Variants in GPR63 observed in about 807,000 individuals in gnomAD.
GPR63 encodes the protein G protein-coupled receptor 63.
Under a neutral mutation model 23.1 loss-of-function variants are expected in GPR63, and 12 were observed. The ratio of observed to expected loss-of-function variants is 0.52; its 90% CI spans 0.33 to 0.84. The LOEUF (loss-of-function observed/expected upper bound fraction) is 0.84. Among genes scored for constraint, GPR63 ranks in the 40% least tolerant of loss-of-function variants. The pLI, the probability that GPR63 is intolerant of heterozygous loss-of-function variation, is 0.02. For synonymous variants in GPR63, 172 were observed against 191.1 expected, an observed-to-expected ratio of 0.90 and a Z score of 0.82; for missense variants, 472 against 515.6, an observed-to-expected ratio of 0.92 and a Z score of 0.82.
At chr6:96,827,355 G>A (rs960232752) in intron 1 of GPR63, among the ~76,000 whole-genome samples, 13 of 151,872 alleles carry the variant, frequency 8.6e-5, no homozygotes, top group East Asian at 5.8e-4. Flanking sequence ...ACAATCAAGC[G>A]AAAACAATGA....
rs776471234 is a variant in GPR63 at position 96,799,518 on chromosome 6, C to G, written c.214G>C (p.Ala72Pro). ...NSTAVPTTPA[A>P]FKSLNLPLQI... is the part of the protein sequence containing the mutation. ...AGAGGCAAGTTTAGGCTCTTAAATG[C>G]TGCTGGTGTTGTGGGCACAGCTGTA... Residue 72 changes from alanine to proline, a missense_variant, in exon 2 of 2, where the codon GCA (alanine) becomes CCA (proline). Coordinates refer to ENST00000229955, the MANE Select transcript of GPR63 (RefSeq NM_030784.4). The G allele has an allele frequency of 4.3e-6, 7 of 1,614,022 alleles. No individual in the cohort carries two copies. Among genetic ancestry groups the G allele is most frequent in the Non-Finnish European group, 5.9e-6 (7 of 1,180,026 alleles).
intron 1 of GPR63, among the ~76,000 whole-genome samples, chr6:96,811,105 C>A (rs1774031161): frequency 6.6e-6 from 1 of 152,176 alleles, no homozygotes; most frequent in East Asian, 1.9e-4. Flanking sequence ...GGGCTCCCAG[C>A]AGAGACATCC....
rs987610453 is a variant in GPR63 at position 96,823,845 on chromosome 6, C to T, written c.-151+13423G>A. ...CTACAATTGCCTACAGTATTCAATACAGTAACATGCTTTACAGGTTTGTAG... is the reference window on the plus strand; with the variant it reads ...CTACAATTGCCTACAGTATTCAATATAGTAACATGCTTTACAGGTTTGTAG... On this transcript the variant is annotated intron_variant, in intron 1 of 1. Transcript: ENST00000229955. Among the ~76,000 whole-genome samples the T allele has an allele frequency of 5.3e-5, 8 of 152,092 alleles. No homozygotes were observed. The East Asian group carries it at 1.2e-3, about 22-fold the overall frequency.
chr6:96,800,730 A>C (rs530583241), intron 1 of GPR63, among the ~76,000 whole-genome samples: 1 of 152,252 alleles, frequency 6.6e-6, no homozygotes, highest in Non-Finnish European at 1.5e-5. Flanking sequence ...ATATGTATAC[A>C]TCTATCTCCT....
intron 1 of GPR63, among the ~76,000 whole-genome samples, chr6:96,816,261 T>C (rs1031310136): frequency 6.6e-6 from 1 of 152,198 alleles, no homozygotes; most frequent in Admixed American, 6.5e-5. Flanking sequence ...GGAATGTTAA[T>C]TTTGTGCCTA....
intron 1 of GPR63, among the ~76,000 whole-genome samples, chr6:96,825,478 C>T (rs1020486439): frequency 6.6e-6 from 1 of 151,948 alleles, no homozygotes; most frequent in Non-Finnish European, 1.5e-5. Flanking sequence ...TATGGAGTGT[C>T]TTCTACCTAC....
rs1773717047 is a variant in GPR63 at position 96,799,854 on chromosome 6, G to A, written c.-123C>T. 1.1e-6 allele frequency: 1 copy of A among 941,936 alleles called. No homozygotes were observed. Among genetic ancestry groups the A allele is most frequent in the Admixed American group, 2.0e-5 (1 of 49,636 alleles). The allele number at this position is 941,936 out of a possible 1,614,324, so 58.3% of individuals were successfully genotyped here. On this transcript the variant is annotated 5_prime_UTR_variant, in exon 2 of 2. Coordinates refer to ENST00000229955, the MANE Select transcript of GPR63 (RefSeq NM_030784.4). ...ATACATTCTGGAAAATGGACAATGA[G>A]TTCCATCTTCCACAAGAGTCCTTTT...
At chr6:96,833,320 T>C (rs938481117) in intron 1 of GPR63, among the ~76,000 whole-genome samples, 1 of 152,192 alleles carries the variant, frequency 6.6e-6, no homozygotes, top group South Asian at 2.1e-4. Context: ...CCAAATACCA[T>C]ACCAAATACA....
chr6:96,801,431 T>G (rs1359554430), intron 1 of GPR63, among the ~76,000 whole-genome samples: 2 of 152,198 alleles, frequency 1.3e-5, no homozygotes, highest in African/African-American at 4.8e-5. Context: ...ACTCCTGACC[T>G]CAGGTGATCC....
chr6:96,828,546 C>A, intron 1 of GPR63, among the ~76,000 whole-genome samples: 1 of 143,630 alleles, frequency 7.0e-6, no homozygotes. Flanking sequence ...TCTCCTGACC[C>A]CCCAAATAAA....
chr6:96,829,011 AAAGT>A (rs1303385676), intron 1 of GPR63, among the ~76,000 whole-genome samples: 1 of 152,256 alleles, frequency 6.6e-6, no homozygotes, highest in Non-Finnish European at 1.5e-5. Context: ...AAAAACATAT[AAAGT>A]AAAAGGTGAA....
intron 1 of GPR63, among the ~76,000 whole-genome samples, chr6:96,836,942 G>A (rs994336781): frequency 5.9e-5 from 9 of 151,820 alleles, no homozygotes; most frequent in Non-Finnish European, 1.2e-4. Flanking sequence ...GGCATGGGGT[G>A]CCCCTCTGCA....
At chr6:96,801,785 A>G (rs1773772992) in intron 1 of GPR63, among the ~76,000 whole-genome samples, 1 of 152,050 alleles carries the variant, frequency 6.6e-6, no homozygotes, top group Non-Finnish European at 1.5e-5. Context: ...TCACATATTC[A>G]CTTTGTAATA....
chr6:96,813,529 T>A (rs1423159689), intron 1 of GPR63, among the ~76,000 whole-genome samples: 1 of 152,238 alleles, frequency 6.6e-6, no homozygotes, highest in African/African-American at 2.4e-5. Flanking sequence ...GCAAAGATAC[T>A]TGATATGCTT....
At chr6:96,803,210 A>G (rs1773815148) in intron 1 of GPR63, among the ~76,000 whole-genome samples, 1 of 152,194 alleles carries the variant, frequency 6.6e-6, no homozygotes. Context: ...CATATTGCCC[A>G]TGCAGAAGAC....
chr6:96,832,462 G>C (rs1054570751), intron 1 of GPR63, among the ~76,000 whole-genome samples: 6 of 149,884 alleles, frequency 4.0e-5, no homozygotes, highest in Admixed American at 4.0e-4. Context: ...TTGGAGAGAC[G>C]GGGTCTCCTC....
chr6:96,825,652 C>CA (rs1774422013), intron 1 of GPR63, among the ~76,000 whole-genome samples: 1 of 151,640 alleles, frequency 6.6e-6, no homozygotes, highest in Admixed American at 6.6e-5. Context: ...AGTAAAAGGA[C>CA]AAAAAGACTT....
At chr6:96,832,641 G>A (rs1166378282) in intron 1 of GPR63, among the ~76,000 whole-genome samples, 3 of 151,992 alleles carry the variant, frequency 2.0e-5, no homozygotes, top group Non-Finnish European at 4.4e-5. Context: ...TCATGAGGGT[G>A]GAGGGTAGGA....
At chr6:96,805,025 T>C (rs191597128) in intron 1 of GPR63, among the ~76,000 whole-genome samples, 1 of 152,320 alleles carries the variant, frequency 6.6e-6, no homozygotes, top group Non-Finnish European at 1.5e-5. Context: ...GAAGTTTTTG[T>C]TCAAGTCCTT....
Sources: gnomAD v4.1 joint callset for allele counts (sites outside exome capture counted in the v4.1 genomes callset) on GRCh38, gnomAD v4.1.1 for gene constraint, MANE v1.5 for transcripts, NCBI Gene and HGNC (gene_info 2026-07-23, HGNC 2026-07-21) for gene names.